The following FAM135B variants were observed in gnomAD, a reference collection of about 807,000 sequenced individuals.
FAM135B encodes family with sequence similarity 135 member B, also known as protein FAM135B.
A neutral mutation model predicts 127.7 loss-of-function variants in FAM135B; 43 were observed. The observed-to-expected ratio is 0.34, with a 90% confidence interval of 0.26 to 0.43. FAM135B has a LOEUF of 0.43. Ranked by LOEUF, FAM135B falls within the 20% of genes least tolerant of loss-of-function variation. The pLI is 1.00. For synonymous variants in FAM135B, 670 were observed against 665.1 expected, an observed-to-expected ratio of 1.01 and a Z score of -0.11; for missense variants, 1,558 against 1,725.6, an observed-to-expected ratio of 0.90 and a Z score of 1.72.
At chr8:138,401,533 T>C (rs942870605) in intron 1 of FAM135B, among the ~76,000 whole-genome samples, 19 of 152,122 alleles carry the variant, frequency 1.2e-4, no homozygotes, top group African/African-American at 1.9e-4. Flanking sequence ...AAGAAACCCA[T>C]CTGTTTACCA....
rs762478827 is a variant in FAM135B at position 138,197,524 on chromosome 8, G to A, written c.815C>T (p.Thr272Met). The A allele has an allele frequency of 2.5e-5, 40 of 1,613,996 alleles. No individual in the cohort carries two copies. Among genetic ancestry groups the A allele is most frequent in the East Asian group, 1.3e-4 (6 of 44,856 alleles). The part of the protein sequence containing the change: ...IMRDIPELPH[T>M]ELEALAVEET... ...CTGTCCTGGGCCCTTACCCAGCTCC[G>A]TGTGTGGCAGCTCTGGGATGTCCCG... is the stretch of plus-strand genomic sequence containing the variant. The change falls in exon 8 of 20, where the codon ACG (threonine) becomes ATG (methionine). Residue 272 changes from threonine to methionine, a missense_variant. By Grantham distance (81) the Thr-to-Met change is moderately conservative (BLOSUM62 -1). Transcript: ENST00000395297.
chr8:138,483,938 G>T (rs1814887352), intron 1 of FAM135B, among the ~76,000 whole-genome samples: 1 of 152,118 alleles, frequency 6.6e-6, no homozygotes, highest in Non-Finnish European at 1.5e-5. Context: ...ATATCTAGGG[G>T]GACACTGAAT....
At chr8:138,336,950 A>G (rs1015947279) in intron 2 of FAM135B, among the ~76,000 whole-genome samples, 25 of 152,254 alleles carry the variant, frequency 1.6e-4, no homozygotes, top group Non-Finnish European at 2.8e-4. Flanking sequence ...AGGCTGGTTC[A>G]ACATAGGCAA....
At chr8:138,180,862 C>G (rs531459971) in intron 9 of FAM135B, among the ~76,000 whole-genome samples, 7 of 152,152 alleles carry the variant, frequency 4.6e-5, no homozygotes, top group Non-Finnish European at 8.8e-5. Flanking sequence ...AGCTTTACTT[C>G]CAGCACTGGC....
chr8:138,484,130 TA>T (rs1814895691), intron 1 of FAM135B, among the ~76,000 whole-genome samples: 1 of 152,174 alleles, frequency 6.6e-6, no homozygotes, highest in African/African-American at 2.4e-5. Context: ...TTTTTTAGCC[TA>T]AGCAGGATTC....
intron 7 of FAM135B, among the ~76,000 whole-genome samples, chr8:138,211,834 G>A (rs575658889): frequency 1.3e-5 from 2 of 152,254 alleles, no homozygotes; most frequent in South Asian, 2.1e-4. Flanking sequence ...TTGGGAGGCT[G>A]AGGCAGGTGG....
At chr8:138,257,685 T>G (rs1285859602) in intron 4 of FAM135B, among the ~76,000 whole-genome samples, 1 of 152,090 alleles carries the variant, frequency 6.6e-6, no homozygotes, top group Non-Finnish European at 1.5e-5. Context: ...CTTGTCTATC[T>G]TGGTATTTAA....
At chr8:138,178,234 C>A (rs990359227) in intron 10 of FAM135B, among the ~76,000 whole-genome samples, 5 of 146,644 alleles carry the variant, frequency 3.4e-5, no homozygotes. Flanking sequence ...GGTGACAGAG[C>A]GAGACACCAT....
chr8:138,231,246 C>T (rs535148234), intron 7 of FAM135B, among the ~76,000 whole-genome samples: 2 of 152,224 alleles, frequency 1.3e-5, no homozygotes, highest in African/African-American at 4.8e-5. Context: ...GTCTCAAACT[C>T]CTGAACTCAA....
intron 3 of FAM135B, among the ~76,000 whole-genome samples, chr8:138,278,491 A>G (rs1221779469): frequency 6.6e-6 from 1 of 150,710 alleles, no homozygotes; most frequent in African/African-American, 2.4e-5. Context: ...GTGCTGCTTT[A>G]GACCACTGTG....
chr8:138,154,287 G>A lies in FAM135B; in HGVS notation c.1259-1071C>T, dbSNP rs200676840. Among the ~76,000 whole-genome samples, 9 of 152,050 alleles carry A rather than the reference G, an allele frequency of 5.9e-5. No individual in the cohort carries two copies. The East Asian group carries it at 1.2e-3, about 20-fold the overall frequency. ...CATCCACACCAAAACCCATCTGTAC[G>A]TCACCATCATCAAAGACCAAAGGTA... On this transcript the variant is annotated intron_variant, in intron 12 of 19. Coordinates refer to ENST00000395297, the MANE Select transcript of FAM135B (RefSeq NM_015912.4).
chr8:138,345,543 G>A (rs554657073), intron 2 of FAM135B, among the ~76,000 whole-genome samples: 20 of 141,504 alleles, frequency 1.4e-4, no homozygotes, highest in African/African-American at 5.1e-4. Context: ...GGAAACCCTT[G>A]TTTTGCCAGT....
chr8:138,288,112 T>G (rs958052520), intron 3 of FAM135B, among the ~76,000 whole-genome samples: 2 of 152,188 alleles, frequency 1.3e-5, no homozygotes, highest in African/African-American at 4.8e-5. Flanking sequence ...GTTCGTTTAT[T>G]ATCCCACCTC....
chr8:138,345,996 A>G (rs1481770330), intron 2 of FAM135B, among the ~76,000 whole-genome samples: 1 of 152,242 alleles, frequency 6.6e-6, no homozygotes, highest in East Asian at 1.9e-4. Flanking sequence ...TGGGCAAAGG[A>G]CGTGAACAGA....
chr8:138,243,118 G>A lies in FAM135B; in HGVS notation c.543-50C>T, dbSNP rs2130389314. On this transcript the variant is annotated intron_variant, in intron 6 of 19. Transcript: ENST00000395297. This position sits in a 1 kb window ranked among gnomAD's most constrained non-coding sequence, Gnocchi z 7.5. ...TGAAAAAGGAGGTAAAGAAAGTGAT[G>A]GTGCCATTAACTCAGCCCCTTTGAG... 6.4e-7 allele frequency: 1 copy of A among 1,571,206 alleles called. No homozygotes were observed. The highest frequency in any genetic ancestry group is 8.6e-7 in the Non-Finnish European group (1 of 1,160,052).
At chr8:138,370,844 C>T (rs78349551) in intron 1 of FAM135B, among the ~76,000 whole-genome samples, 1 of 152,136 alleles carries the variant, frequency 6.6e-6, no homozygotes, top group African/African-American at 2.4e-5. Flanking sequence ...TGTCTTGGTC[C>T]CAACCTTCTC....
intron 9 of FAM135B, among the ~76,000 whole-genome samples, chr8:138,179,353 T>A (rs994718996): frequency 6.6e-6 from 1 of 152,114 alleles, no homozygotes; most frequent in Non-Finnish European, 1.5e-5. Flanking sequence ...ATCATCACTA[T>A]CTCCTATGTG....
chr8:138,218,540 T>G (rs11785153), intron 7 of FAM135B, among the ~76,000 whole-genome samples: 1 of 151,994 alleles, frequency 6.6e-6, no homozygotes, highest in Non-Finnish European at 1.5e-5. Flanking sequence ...GTTTGCTCCT[T>G]TACAGAGTGG....
rs2130786844 is a variant in FAM135B at position 138,152,953 on chromosome 8, G to C, written c.1522C>G (p.Gln508Glu). Residue 508 changes from glutamine (Q) to glutamate (E), a missense_variant, in exon 13 of 20, where the codon CAA becomes GAA. Around this residue, in one of 5 missense-constraint regions of FAM135B, gnomAD observed 923 missense variants for 865.3 expected, o/e 1.07. Transcript: ENST00000395297. ...SQVYISIGEF[Q>E]NKAGVPEDEC... ...TCTTCAGGCACACCTGCTTTGTTTT[G>C]AAATTCACCAATTGATATATACACC... is the stretch of plus-strand genomic sequence containing the variant. 8 of 1,614,142 alleles carry C rather than the reference G, an allele frequency of 5.0e-6. No individual in the cohort carries two copies. Among genetic ancestry groups the C allele is most frequent in the Non-Finnish European group, 6.8e-6 (8 of 1,180,032 alleles).
Sources: gnomAD v4.1 joint callset for allele counts (sites outside exome capture counted in the v4.1 genomes callset) on GRCh38, gnomAD v4.1.1 for gene constraint, gnomAD v4.1.1 regional missense constraint, Gnocchi (gnomAD v3.1) non-coding constraint, MANE v1.5 for transcripts, NCBI Gene and HGNC (gene_info 2026-07-23, HGNC 2026-07-21) for gene names.